ITPR1: variants seen among roughly 807,000 people sequenced by gnomAD.
ITPR1 encodes the protein inositol 1,4,5-trisphosphate receptor type 1, also known as inositol 1,4,5-trisphosphate-gated calcium channel ITPR1.
In ITPR1, 96 loss-of-function variants were observed where a neutral mutation model predicts 318.4. The observed-to-expected ratio is 0.30, with a 90% CI of 0.26 to 0.36. ITPR1 has a LOEUF of 0.36. ITPR1 is among the 10% of genes least tolerant of loss of function. The probability of loss-of-function intolerance (pLI) is 1.00; values close to 1 mark genes in which losing one functional copy is unlikely to be tolerated. For synonymous variants in ITPR1, 1,312 were observed against 1,289.9 expected (o/e 1.02, Z -0.37); for missense variants, 2,440 against 3,460.2 (o/e 0.71, Z 7.40).
At chr3:4,577,611 T>G (rs572380521) in intron 4 of ITPR1, among the ~76,000 whole-genome samples, 35 of 152,328 alleles carry the variant, frequency 2.3e-4, no homozygotes, top group African/African-American at 8.4e-4. Flanking sequence ...TATAGTAGCT[T>G]ATAATAACGA....
chr3:4,667,502 A>G lies in ITPR1; in HGVS notation c.1839A>G (p.Ala613=). The G allele has an allele frequency of 6.2e-7, 1 of 1,613,806 alleles. No homozygotes were observed. The highest frequency in any genetic ancestry group is 8.5e-7 in the Non-Finnish European group (1 of 1,179,756). Reference sequence around the variant, plus strand: ...TCCTGGAAAAACACATTACCGCGGCAGAGATTGACACATTTGTCAGCCTGG... The same window carrying G: ...TCCTGGAAAAACACATTACCGCGGCGGAGATTGACACATTTGTCAGCCTGG... ...RKLLEKHITA[A]EIDTFVSLVR... The change falls in exon 18 of 62, where the codon GCA becomes GCG. Residue 613 remains alanine (A), a synonymous_variant. Coordinates refer to ENST00000649015, the MANE Select transcript of ITPR1 (RefSeq NM_001378452.1).
At chr3:4,586,312 T>TG (rs1473029905) in intron 4 of ITPR1, among the ~76,000 whole-genome samples, 3 of 152,292 alleles carry the variant, frequency 2.0e-5, no homozygotes, top group African/African-American at 4.8e-5. Context: ...AGCAACACCA[T>TG]GAGGCTGGTG....
intron 42 of ITPR1, among the ~76,000 whole-genome samples, chr3:4,728,604 A>G (rs1231976329): frequency 6.6e-6 from 1 of 151,792 alleles, no homozygotes; most frequent in Non-Finnish European, 1.5e-5. Flanking sequence ...ATCCAATTAC[A>G]CTCTTTAAGT....
intron 4 of ITPR1, among the ~76,000 whole-genome samples, chr3:4,548,182 A>G (rs1417599807): frequency 6.6e-6 from 1 of 152,200 alleles, no homozygotes; most frequent in Admixed American, 6.5e-5. Context: ...TTAAATTGCA[A>G]TTGAGTTAAA....
chr3:4,589,702 G>T (rs1419914968), intron 4 of ITPR1, among the ~76,000 whole-genome samples: 5 of 151,888 alleles, frequency 3.3e-5, no homozygotes, highest in Admixed American at 1.3e-4. Flanking sequence ...ACCTCATGTG[G>T]AACAGAATCA....
At chr3:4,706,145 G>C in intron 36 of ITPR1, 22 bp from the exon 37 acceptor site, 1 of 1,613,786 alleles carries the variant, frequency 6.2e-7, no homozygotes, top group South Asian at 1.1e-5. Context: ...GTAGGCTCAC[G>C]ACTCATCTTT....
intron 4 of ITPR1, among the ~76,000 whole-genome samples, chr3:4,616,914 G>A (rs2092411108): frequency 6.6e-6 from 1 of 152,066 alleles, no homozygotes; most frequent in Non-Finnish European, 1.5e-5. Context: ...AGACATGTGA[G>A]TGCGAGTGTT....
At chr3:4,681,015 ACCACTAGC>A (rs2094287346) in intron 25 of ITPR1, among the ~76,000 whole-genome samples, 3 of 152,134 alleles carry the variant, frequency 2.0e-5, no homozygotes, top group Non-Finnish European at 4.4e-5. Flanking sequence ...AGACTTCTTG[ACCACTAGC>A]AGCTTTTACT....
intron 4 of ITPR1, among the ~76,000 whole-genome samples, chr3:4,621,900 C>T (rs544404916): frequency 1.3e-5 from 2 of 152,308 alleles, no homozygotes; most frequent in East Asian, 3.9e-4. Context: ...AGTTGCCTTT[C>T]CTGATGACCC....
At chr3:4,669,857 AT>A (rs2094034937) in intron 19 of ITPR1, 84 bp downstream of exon 19, 2 of 1,300,328 alleles carry the variant, frequency 1.5e-6, no homozygotes, top group Non-Finnish European at 2.0e-6. Flanking sequence ...TAGCCCTATC[AT>A]TTTTTGAGTT....
At position 4,519,663 on chromosome 3, in the gene ITPR1, T is replaced by G. The variant is rs562983845; in HGVS notation, c.93-1361T>G. ...TTATATATGTATATTCTGCTCTTGA[T>G]TTTTACATGAGAACTCAGGCCATTG... On this transcript the variant is annotated intron_variant, in intron 3 of 61. Coordinates refer to ENST00000649015, the MANE Select transcript of ITPR1 (RefSeq NM_001378452.1). 3.8e-4 allele frequency among the ~76,000 whole-genome samples: 58 copies of G among 152,330 alleles called. 2 individuals carry two copies. In the South Asian group the frequency reaches 0.012, roughly 32 times the overall value.
At chr3:4,812,116 T>C (rs1204896785) in intron 56 of ITPR1, among the ~76,000 whole-genome samples, 3 of 151,222 alleles carry the variant, frequency 2.0e-5, no homozygotes, top group Non-Finnish European at 4.4e-5. Context: ...TTCACCTCAC[T>C]GCAACCTCCA....
intron 49 of ITPR1, among the ~76,000 whole-genome samples, chr3:4,781,443 G>A (rs1274700630): frequency 6.6e-6 from 1 of 152,172 alleles, no homozygotes; most frequent in Non-Finnish European, 1.5e-5. Context: ...GAAGGATTCA[G>A]ATATGAGCAG....
intron 4 of ITPR1, among the ~76,000 whole-genome samples, chr3:4,578,909 C>T (rs1379598583): frequency 6.6e-6 from 1 of 152,110 alleles, no homozygotes; most frequent in Non-Finnish European, 1.5e-5. Flanking sequence ...GAGAGGGGGC[C>T]CCACAGGGTC....
chr3:4,836,214 A>G (rs1228981409), intron 60 of ITPR1, among the ~76,000 whole-genome samples: 1 of 152,162 alleles, frequency 6.6e-6, no homozygotes, highest in East Asian at 1.9e-4. Context: ...AGTCAAATTC[A>G]TGGAGACAGA....
intron 59 of ITPR1, chr3:4,817,701 C>G (rs887673934): frequency 1.9e-5 from 3 of 160,240 alleles, no homozygotes; most frequent in Non-Finnish European, 2.7e-5. Context: ...TTGGCATTTA[C>G]CTGGGCGAAG....
intron 49 of ITPR1, among the ~76,000 whole-genome samples, chr3:4,781,537 C>T (rs746667264): frequency 1.3e-5 from 2 of 152,104 alleles, no homozygotes; most frequent in African/African-American, 4.8e-5. Context: ...GAAATGTGCT[C>T]AAACCATGAG....
intron 20 of ITPR1, chr3:4,671,435 GC>G (rs2094079673): frequency 6.6e-6 from 1 of 152,288 alleles, no homozygotes; most frequent in East Asian, 1.9e-4. Flanking sequence ...ATAATAAAAA[GC>G]ATGTACTTAC....
rs41289634 is a variant in ITPR1, at chr3:4,670,691, A to T, written c.2007-38A>T. 4,030 of 1,404,930 alleles carry T rather than the reference A, an allele frequency of 2.9e-3. 8 individuals carry two copies. The highest frequency in any genetic ancestry group is 3.5e-3 in the Non-Finnish European group (3,579 of 1,013,766). The allele number at this position is 1,404,930 out of a possible 1,614,324, so 87.0% of individuals were successfully genotyped here. A position where few individuals can be genotyped will look rare whatever the true frequency, so the allele number is the denominator to read the frequency against. ...TAAAGCTAGATCTCAAAGTATTTTT[A>T]AAAATAGTAACTTTTCCCTCCTCCT... On this transcript the variant is annotated intron_variant, in intron 19 of 61. Transcript: ENST00000649015.
Sources: gnomAD v4.1 joint callset for allele counts (sites outside exome capture counted in the v4.1 genomes callset) on GRCh38, gnomAD v4.1.1 for gene constraint, MANE v1.5 for transcripts, NCBI Gene and HGNC (gene_info 2026-07-23, HGNC 2026-07-21) for gene names.